Variants in SUDS3 observed in about 807,000 individuals in gnomAD.
SUDS3 encodes sin3 histone deacetylase corepressor complex component SDS3.
SUDS3 carries 23 observed loss-of-function variants against 53.5 expected under a neutral mutation model. The ratio of observed to expected loss-of-function variants is 0.43; its 90% CI spans 0.31 to 0.61. The LOEUF is 0.61. SUDS3 is among the 20% of genes least tolerant of loss of function. The pLI, the probability that SUDS3 is intolerant of heterozygous loss-of-function variation, is 0.10. For missense variants in SUDS3, 291 were observed against 405.9 expected (o/e 0.72, Z 2.43); for synonymous variants, 150 against 148.5 (o/e 1.01, Z -0.08).
At chr12:118,384,302 A>G (rs1219871836) in intron 3 of SUDS3, among the ~76,000 whole-genome samples, 1 of 152,232 alleles carries the variant, frequency 6.6e-6, no homozygotes, top group Non-Finnish European at 1.5e-5. Flanking sequence ...ATGAAATCTC[A>G]CTTGGGACTT....
chr12:118,386,658 T>C (rs149698158), intron 4 of SUDS3, among the ~76,000 whole-genome samples: 46 of 152,322 alleles, frequency 3.0e-4, no homozygotes, highest in African/African-American at 1.0e-3. Context: ...ATTAGTTGTA[T>C]ACAGTAAATG....
rs552448843 is a variant in SUDS3 at position 118,415,511 on chromosome 12, T to G, written c.*1078T>G. On this transcript the variant is annotated 3_prime_UTR_variant, in exon 12 of 12. Transcript: ENST00000543473. ...GCTGCCTCTGGACTGACACCCTCCCTAATGAGTCCTGATGAAACAGCCTTT... is the reference window on the plus strand; with the variant it reads ...GCTGCCTCTGGACTGACACCCTCCCGAATGAGTCCTGATGAAACAGCCTTT... 6.6e-6 allele frequency: 1 copy of G among 152,294 alleles called. No individual in the cohort carries two copies. Among genetic ancestry groups the G allele is most frequent in the East Asian group, 1.9e-4 (1 of 5,172 alleles). The allele number at this position is 152,294 out of a possible 1,614,324, so 9.4% of individuals were successfully genotyped here. A position where few individuals can be genotyped will look rare whatever the true frequency, so the allele number is the denominator to read the frequency against.
chr12:118,389,842 T>TA (rs1381164595), intron 4 of SUDS3, 85 bp from the exon 5 acceptor site: 2 of 1,527,384 alleles, frequency 1.3e-6, no homozygotes, highest in African/African-American at 1.4e-5. Flanking sequence ...AGAAAGCAAT[T>TA]ACTGCTTCTA....
At chr12:118,399,058 A>G (rs922140395) in intron 6 of SUDS3, among the ~76,000 whole-genome samples, 1 of 152,206 alleles carries the variant, frequency 6.6e-6, no homozygotes, top group African/African-American at 2.4e-5. Flanking sequence ...AGAGCCATGC[A>G]AAGGCTTGAA....
chr12:118,404,578 A>T (rs532004934), intron 10 of SUDS3: 1 of 152,336 alleles, frequency 6.6e-6, no homozygotes, highest in South Asian at 2.1e-4. Flanking sequence ...TATGAAATGG[A>T]TACTGCCATC....
At chr12:118,384,206 A>G (rs953267200) in intron 3 of SUDS3, 139 bp downstream of exon 3, 12 of 801,888 alleles carry the variant, frequency 1.5e-5, no homozygotes, top group Middle Eastern at 3.6e-4. Flanking sequence ...ACATTTTGCT[A>G]TCTTTTGCTG....
At position 118,414,417 on chromosome 12, in the gene SUDS3, G is replaced by A. The variant is rs1486981513; in HGVS notation, c.971G>A (p.Arg324Gln). 3.1e-6 allele frequency: 5 copies of A among 1,591,892 alleles called. No homozygotes were observed. The highest frequency in any genetic ancestry group is 2.7e-5 in the African/African-American group (2 of 74,416). ...QLQRGLFVIR[R>Q]RSAA ...CAGCGCGGGCTCTTCGTGATCCGCC[G>A]GCGCTCAGCTGCTTGACTTTCTACA... is the stretch of plus-strand genomic sequence containing the variant. The change falls in exon 12 of 12, where the codon CGG becomes CAG. Residue 324 changes from arginine (R) to glutamine (Q), a missense_variant. Around this residue, in one of 4 missense-constraint regions of SUDS3, gnomAD observed 10 missense variants for 48.1 expected, o/e 0.21. Transcript: ENST00000543473.
At chr12:118,395,901 C>A (rs2141375702) in intron 6 of SUDS3, among the ~76,000 whole-genome samples, 1 of 152,192 alleles carries the variant, frequency 6.6e-6, no homozygotes, top group East Asian at 1.9e-4. Context: ...CCTTGTTGGC[C>A]AGGCTGGTCT....
At chr12:118,409,671 TA>T (rs2046341681) in intron 10 of SUDS3, among the ~76,000 whole-genome samples, 1 of 152,370 alleles carries the variant, frequency 6.6e-6, no homozygotes, top group Non-Finnish European at 1.5e-5. Flanking sequence ...TGTGTTTTAC[TA>T]AATTTACACG....
Position 118,401,753 on chromosome 12 carries a change from C to T in SUDS3, c.614-6C>T. On this transcript the variant is annotated splice_region_variant and splice_polypyrimidine_tract_variant and intron_variant, in intron 7 of 11. Transcript: ENST00000543473. Reference sequence around the variant, plus strand: ...TTTTCACATACAGTCCTTTAACTCTCAACACCCCAGCTAAACTATTTGTTA... The same window carrying T: ...TTTTCACATACAGTCCTTTAACTCTTAACACCCCAGCTAAACTATTTGTTA... 2 of 1,613,094 alleles carry T rather than the reference C, an allele frequency of 1.2e-6. No homozygotes were observed. The highest frequency in any genetic ancestry group is 1.7e-6 in the Non-Finnish European group (2 of 1,179,160).
At chr12:118,380,128 T>C in intron 1 of SUDS3, 34 bp from the exon 2 acceptor site, 1 of 1,569,998 alleles carries the variant, frequency 6.4e-7, no homozygotes, top group Non-Finnish European at 8.7e-7. Context: ...TGAATTATGA[T>C]TTTAACTAGC....
At chr12:118,404,858 G>C (rs909204642) in intron 10 of SUDS3, among the ~76,000 whole-genome samples, 2 of 152,204 alleles carry the variant, frequency 1.3e-5, no homozygotes, top group African/African-American at 4.8e-5. Flanking sequence ...ACCCAGCATT[G>C]TGTTAGGTTG....
intron 10 of SUDS3, among the ~76,000 whole-genome samples, chr12:118,410,555 C>CTTTA (rs767637189): frequency 7.4e-4 from 110 of 148,972 alleles, no homozygotes; most frequent in South Asian, 2.4e-3. Context: ...GGATGGAAGC[C>CTTTA]TTTATTTATT....
chr12:118,388,924 G>A (rs893408977), intron 4 of SUDS3, among the ~76,000 whole-genome samples: 1 of 152,156 alleles, frequency 6.6e-6, no homozygotes, highest in African/African-American at 2.4e-5. Context: ...TGAGGCTGGC[G>A]CATCACCTGA....
rs1280466302 is a variant in SUDS3, at chr12:118,395,872, T to C, written c.517+4590T>C. The stretch of plus-strand genomic sequence containing the variant: ...ATGCCTGACTAATTTTTATACTTTT[T>C]AGTAGAGACGGGGTTTCACCTTGTT... On this transcript the variant is annotated intron_variant, in intron 6 of 11. Transcript: ENST00000543473. Among the ~76,000 whole-genome samples the C allele has an allele frequency of 2.6e-5, 4 of 152,148 alleles. No homozygotes were observed. In the East Asian group the frequency reaches 5.8e-4, roughly 22 times the overall value.
At chr12:118,410,437 A>G (rs1284971454) in intron 10 of SUDS3, among the ~76,000 whole-genome samples, 2 of 152,156 alleles carry the variant, frequency 1.3e-5, no homozygotes, top group Admixed American at 6.5e-5. Flanking sequence ...AAAAAAAGGG[A>G]AAAATACATA....
At chr12:118,399,457 G>A (rs547754680) in intron 6 of SUDS3, among the ~76,000 whole-genome samples, 12 of 152,274 alleles carry the variant, frequency 7.9e-5, no homozygotes, top group African/African-American at 2.2e-4. Flanking sequence ...AATGAAGATC[G>A]TGCCACTGCA....
In SUDS3 at chr12:118,405,771, A is replaced by G. The variant is rs1472291113; in HGVS notation, c.803+2254A>G. 2.6e-5 allele frequency among the ~76,000 whole-genome samples: 4 copies of G among 152,204 alleles called. No individual in the cohort carries two copies. The South Asian group carries it at 8.3e-4, about 31-fold the overall frequency. ...CTGAGGTGTTCACTGGTGCAGTGCCAGCCTCTCCCATCTCACCAGGCTCAT... is the reference window on the plus strand; with the variant it reads ...CTGAGGTGTTCACTGGTGCAGTGCCGGCCTCTCCCATCTCACCAGGCTCAT... On this transcript the variant is annotated intron_variant, in intron 10 of 11. Transcript: ENST00000543473.
intron 3 of SUDS3, 95 bp from the exon 4 acceptor site, chr12:118,386,019 C>T: frequency 1.1e-6 from 1 of 948,834 alleles, no homozygotes; most frequent in Non-Finnish European, 1.6e-6. Context: ...GTTACTGAAA[C>T]AGTCAGTGTT....
Sources: allele counts gnomAD v4.1 joint callset (sites outside exome capture counted in the v4.1 genomes callset), GRCh38; gene constraint gnomAD v4.1.1; regional missense constraint gnomAD v4.1.1; transcripts MANE v1.5; gene names NCBI Gene and HGNC (gene_info 2026-07-23, HGNC 2026-07-21).